The following GCNT3 variants were observed in gnomAD, a reference collection of about 807,000 sequenced individuals.
GCNT3 encodes the protein beta-1,3-galactosyl-O-glycosyl-glycoprotein beta-1,6-N-acetylglucosaminyltransferase 3.
For missense variants in GCNT3, 708 were observed against 530.3 expected, an observed-to-expected ratio of 1.34 and a Z score of -3.29; for synonymous variants, 269 against 195.2, an observed-to-expected ratio of 1.38 and a Z score of -3.15.
At chr15:59,615,844 C>T (rs1211947200) in intron 1 of GCNT3, among the ~76,000 whole-genome samples, 7 of 152,152 alleles carry the variant, frequency 4.6e-5, no homozygotes, top group African/African-American at 1.7e-4. Context: ...GCCGTAATCA[C>T]ACCACTGCAC....
intron 1 of GCNT3, among the ~76,000 whole-genome samples, chr15:59,615,741 A>G (rs998580456): frequency 6.6e-5 from 10 of 151,114 alleles, no homozygotes; most frequent in African/African-American, 2.0e-4. Flanking sequence ...AAAAAAAATT[A>G]TCTCCGCATG....
At position 59,618,620 on chromosome 15, in the gene GCNT3, G is replaced by C; in HGVS notation, c.382G>C (p.Glu128Gln). Residue 128 changes from glutamate to glutamine, a missense_variant, in exon 3 of 3, where the codon GAG (glutamate) becomes CAG (glutamine). Coordinates refer to ENST00000396065, the MANE Select transcript of GCNT3 (RefSeq NM_004751.3). ...KFIQFPLSKE[E>Q]VEFPIAYSMV... ...CATACAGTTCCCACTGAGCAAAGAAGAGGTGGAGTTCCCTATTGCATACTC... is the reference window on the plus strand; with the variant it reads ...CATACAGTTCCCACTGAGCAAAGAACAGGTGGAGTTCCCTATTGCATACTC... 6.2e-7 allele frequency: 1 copy of C among 1,614,146 alleles called. No homozygotes were observed. The highest frequency in any genetic ancestry group is 8.5e-7 in the Non-Finnish European group (1 of 1,180,004).
Position 59,622,452 on chromosome 15 carries a change from AGT to A in GCNT3, c.*2898_*2899del, listed in dbSNP as rs1253430171. On this transcript the variant is annotated 3_prime_UTR_variant, in exon 3 of 3. Transcript: ENST00000396065. The stretch of plus-strand genomic sequence containing the variant: ...CCCACTACGGAGATGACTGATGACT[AGT>A]TGTATACACAGTGGGTGTGCCCTGA... 5 of 152,100 alleles carry A rather than the reference AGT, an allele frequency of 3.3e-5. No individual in the cohort carries two copies. Among genetic ancestry groups the A allele is most frequent in the Non-Finnish European group, 7.3e-5 (5 of 68,032 alleles). The allele number at this position is 152,100 out of a possible 1,614,324, so 9.4% of individuals were successfully genotyped here.
At position 59,618,841 on chromosome 15, in the gene GCNT3, C is replaced by T. The variant is rs767616296; in HGVS notation, c.603C>T (p.Ser201=). The stretch of plus-strand genomic sequence containing the variant: ...TTCGGGTGGTTTATGCCTCCTGGTC[C>T]AGGGTGCAAGCTGACCTCAACTGCA... ...KLVRVVYASW[S]RVQADLNCME... Residue 201 remains serine, a synonymous_variant, in exon 3 of 3, where the codon TCC becomes TCT. Transcript: ENST00000396065. 4.3e-6 allele frequency: 7 copies of T among 1,614,036 alleles called. No individual in the cohort carries two copies. The highest frequency in any genetic ancestry group is 1.7e-5 in the Admixed American group (1 of 59,998).
chr15:59,618,329 T>C lies in GCNT3; in HGVS notation c.91T>C (p.Phe31Leu). Residue 31 changes from phenylalanine (F) to leucine (L), a missense_variant, in exon 3 of 3, where the codon TTC (phenylalanine) becomes CTC (leucine). By Grantham distance (22) the Phe-to-Leu change is conservative (BLOSUM62 0). Coordinates refer to ENST00000396065, the MANE Select transcript of GCNT3 (RefSeq NM_004751.3). ...LLATVALKLS[F>L]RLKCDSDHLG... ...GGCCACTGTGGCTCTGAAACTTTCT[T>C]TCAGGTTGAAGTGTGACTCTGACCA... is the stretch of plus-strand genomic sequence containing the variant. 1 of 1,613,976 alleles carries C rather than the reference T, an allele frequency of 6.2e-7. No individual in the cohort carries two copies. The highest frequency in any genetic ancestry group is 1.1e-5 in the South Asian group (1 of 91,054).
chr15:59,613,865 A>C lies in GCNT3; in HGVS notation c.-251+1884A>C, dbSNP rs2082707707. The stretch of plus-strand genomic sequence containing the variant: ...TCTACAAAAAAAATACAAATAATAA[A>C]AATTAGCTGGGCATGGTGGCTTGTG... On this transcript the variant is annotated intron_variant, in intron 1 of 2. Transcript: ENST00000396065. Among the ~76,000 whole-genome samples, 4 of 150,748 alleles carry C rather than the reference A, an allele frequency of 2.7e-5. No homozygotes were observed. The South Asian group carries it at 8.4e-4, about 32-fold the overall frequency.
intron 2 of GCNT3, among the ~76,000 whole-genome samples, chr15:59,617,328 CAA>C (rs777374318): frequency 3.3e-5 from 5 of 152,066 alleles, no homozygotes; most frequent in South Asian, 2.1e-4. Flanking sequence ...GGCTTGTAGA[CAA>C]AAACACTGGG....
chr15:59,619,369 T>A lies in GCNT3; in HGVS notation c.1131T>A (p.Ala377=). 1.2e-6 allele frequency: 2 copies of A among 1,614,088 alleles called. No homozygotes were observed. Among genetic ancestry groups the A allele is most frequent in the Non-Finnish European group, 1.7e-6 (2 of 1,179,998 alleles). ...QGHEGDIDKG[A]PYAPCSGIHQ... is the part of the protein sequence containing the mutation. ...ATGAGGGAGACATCGATAAGGGTGC[T>A]CCTTATGCTCCCTGCTCTGGAATCC... The change falls in exon 3 of 3, where the codon GCT becomes GCA. Residue 377 remains alanine, a synonymous_variant. Coordinates refer to ENST00000396065, the MANE Select transcript of GCNT3 (RefSeq NM_004751.3).
In GCNT3 at chr15:59,618,206, G is replaced by A. The variant is rs1185223265; in HGVS notation, c.-33G>A. 2 of 1,238,596 alleles carry A rather than the reference G, an allele frequency of 1.6e-6. No homozygotes were observed. The highest frequency in any genetic ancestry group is 2.3e-6 in the Non-Finnish European group (2 of 876,048). The allele number at this position is 1,238,596 out of a possible 1,614,324, so 76.7% of individuals were successfully genotyped here. On this transcript the variant is annotated 5_prime_UTR_variant, in exon 3 of 3. Transcript: ENST00000396065. ...TTGTGTCCTCCTCCACCTTCCCTGT[G>A]CTCGGTCTCCACCTGTCTCCCATTC...
In GCNT3 at chr15:59,618,866, A is replaced by G. The variant is rs2082733185; in HGVS notation, c.628A>G (p.Met210Val). ...CAGGGTGCAAGCTGACCTCAACTGCATGGAAGACTTGCTCCAGAGCTCAGT... is the reference window on the plus strand; with the variant it reads ...CAGGGTGCAAGCTGACCTCAACTGCGTGGAAGACTTGCTCCAGAGCTCAGT... ...WSRVQADLNC[M>V]EDLLQSSVPW... Residue 210 changes from methionine (M) to valine (V), a missense_variant, in exon 3 of 3, where the codon ATG (methionine) becomes GTG (valine). Coordinates refer to ENST00000396065, the MANE Select transcript of GCNT3 (RefSeq NM_004751.3). The G allele has an allele frequency of 6.2e-7, 1 of 1,614,202 alleles. No individual in the cohort carries two copies. The highest frequency in any genetic ancestry group is 8.5e-7 in the Non-Finnish European group (1 of 1,180,034).
chr15:59,618,161 C>A lies in GCNT3; in HGVS notation c.-60-18C>A. Reference sequence around the variant, plus strand: ...GGAATGATTGGTTTGTAACTGGAGGCATTTTGTTCTGTCCAAGGATTGTGT... The same window carrying A: ...GGAATGATTGGTTTGTAACTGGAGGAATTTTGTTCTGTCCAAGGATTGTGT... On this transcript the variant is annotated intron_variant, in intron 2 of 2. Coordinates refer to ENST00000396065, the MANE Select transcript of GCNT3 (RefSeq NM_004751.3). The A allele has an allele frequency of 1.4e-6, 1 of 740,470 alleles. No individual in the cohort carries two copies. The highest frequency in any genetic ancestry group is 2.3e-6 in the Non-Finnish European group (1 of 441,582). 45.9% of individuals were successfully genotyped at this position (740,470 alleles called of 1,614,324 possible).
chr15:59,612,112 G>A (rs78952803), intron 1 of GCNT3, 131 bp downstream of exon 1: 10,128 of 152,216 alleles, frequency 0.067, 634 homozygotes, highest in East Asian at 0.3. Context: ...TCGAGCCTCC[G>A]TCAAGGTTAA....
chr15:59,618,949 A>G lies in GCNT3; in HGVS notation c.711A>G (p.Ala237=), dbSNP rs2141938986. ...CGTDFPIKSN[A]EMVQALKMLN... is the part of the protein sequence containing the mutation. ...CGGACTTTCCTATAAAGAGCAATGCAGAGATGGTCCAGGCTCTCAAGATGT... is the reference window on the plus strand; with the variant it reads ...CGGACTTTCCTATAAAGAGCAATGCGGAGATGGTCCAGGCTCTCAAGATGT... The change falls in exon 3 of 3, where the codon GCA becomes GCG. Residue 237 remains alanine (A), a synonymous_variant. Transcript: ENST00000396065. 2 of 1,614,128 alleles carry G rather than the reference A, an allele frequency of 1.2e-6. No homozygotes were observed. The highest frequency in any genetic ancestry group is 1.1e-5 in the South Asian group (1 of 91,074).
chr15:59,617,170 C>A (rs374732686), intron 2 of GCNT3, among the ~76,000 whole-genome samples: 2 of 82,350 alleles, frequency 2.4e-5, no homozygotes, highest in Non-Finnish European at 2.5e-5. Context: ...CTTTTGTTTT[C>A]TTTCTTTCTT....
At chr15:59,617,940 G>A (rs1462365345) in intron 2 of GCNT3, 2 of 239,190 alleles carry the variant, frequency 8.4e-6, no homozygotes, top group East Asian at 8.8e-5. Flanking sequence ...CAGGTGCTCA[G>A]TTGTTCCTTT....
In GCNT3 at chr15:59,618,707, C is replaced by A. The variant is rs2082732177; in HGVS notation, c.469C>A (p.Gln157Lys). 6.2e-7 allele frequency: 1 copy of A among 1,614,034 alleles called. No homozygotes were observed. Among genetic ancestry groups the A allele is most frequent in the Non-Finnish European group, 8.5e-7 (1 of 1,179,880 alleles). Residue 157 changes from glutamine (Q) to lysine (K), a missense_variant, in exon 3 of 3, where the codon CAG becomes AAG. Gln to Lys is a moderately conservative substitution (Grantham distance 53). Coordinates refer to ENST00000396065, the MANE Select transcript of GCNT3 (RefSeq NM_004751.3). ...ERLLRAVYAP[Q>K]NIYCVHVDEK... Reference sequence around the variant, plus strand: ...GCTACTGCGAGCTGTGTATGCCCCTCAGAACATATACTGTGTCCATGTGGA... The same window carrying A: ...GCTACTGCGAGCTGTGTATGCCCCTAAGAACATATACTGTGTCCATGTGGA...
At position 59,618,331 on chromosome 15, in the gene GCNT3, C is replaced by T. The variant is rs767423891; in HGVS notation, c.93C>T (p.Phe31=). The T allele has an allele frequency of 1.4e-5, 22 of 1,613,726 alleles. No homozygotes were observed. The highest frequency in any genetic ancestry group is 1.9e-5 in the Non-Finnish European group (22 of 1,179,838). The change falls in exon 3 of 3, where the codon TTC becomes TTT. Residue 31 remains phenylalanine (F), a synonymous_variant. Transcript: ENST00000396065. Reference sequence around the variant, plus strand: ...CCACTGTGGCTCTGAAACTTTCTTTCAGGTTGAAGTGTGACTCTGACCACT... The same window carrying T: ...CCACTGTGGCTCTGAAACTTTCTTTTAGGTTGAAGTGTGACTCTGACCACT... ...LLATVALKLS[F]RLKCDSDHLG...
In GCNT3 at chr15:59,618,352, C is replaced by G. The variant is rs1827358590; in HGVS notation, c.114C>G (p.Asp38Glu). 1.9e-6 allele frequency: 3 copies of G among 1,613,568 alleles called. No homozygotes were observed. Among genetic ancestry groups the G allele is most frequent in the Admixed American group, 1.7e-5 (1 of 59,990 alleles). Residue 38 changes from aspartate to glutamate, a missense_variant, in exon 3 of 3, where the codon GAC (aspartate) becomes GAG (glutamate). By Grantham distance (45) the Asp-to-Glu change is conservative. Transcript: ENST00000396065. ...KLSFRLKCDS[D>E]HLGLESRESQ... ...CTTTCAGGTTGAAGTGTGACTCTGACCACTTGGGTCTGGAGTCCAGGGAAT... is the reference window on the plus strand; with the variant it reads ...CTTTCAGGTTGAAGTGTGACTCTGAGCACTTGGGTCTGGAGTCCAGGGAAT...
At position 59,621,644 on chromosome 15, in the gene GCNT3, T is replaced by G. The variant is rs935379223; in HGVS notation, c.*2089T>G. ...TCTCACTCTGTCACCCAGGTTGGAG[T>G]GCAACGAATGGCGCAATCTTGGCTC... On this transcript the variant is annotated 3_prime_UTR_variant, in exon 3 of 3. Coordinates refer to ENST00000396065, the MANE Select transcript of GCNT3 (RefSeq NM_004751.3). The G allele has an allele frequency of 2.1e-5, 3 of 142,698 alleles. No individual in the cohort carries two copies. The highest frequency in any genetic ancestry group is 1.5e-4 in the Admixed American group (2 of 13,758). The allele number at this position is 142,698 out of a possible 1,614,324, so 8.8% of individuals were successfully genotyped here.
Sources: gnomAD v4.1 joint callset for allele counts (sites outside exome capture counted in the v4.1 genomes callset) on GRCh38, gnomAD v4.1.1 for gene constraint, MANE v1.5 for transcripts, NCBI Gene and HGNC (gene_info 2026-07-23, HGNC 2026-07-21) for gene names.